The following ZFPM1 variants were observed in gnomAD, a reference collection of about 807,000 sequenced individuals.
The protein encoded by ZFPM1 is zinc finger protein, FOG family member 1.
In ZFPM1, 28 loss-of-function variants were observed where a neutral mutation model predicts 46.3. The observed-to-expected ratio is 0.60, with a 90% CI of 0.45 to 0.83. ZFPM1 has a LOEUF of 0.83. Among genes scored for constraint, ZFPM1 ranks in the 40% least tolerant of loss-of-function variants. The pLI, the probability that ZFPM1 is intolerant of heterozygous loss-of-function variation, is 0.00. For synonymous variants in ZFPM1, 957 were observed against 675.9 expected, an observed-to-expected ratio of 1.42 and a Z score of -6.45; for missense variants, 1,878 against 1,432.4, an observed-to-expected ratio of 1.31 and a Z score of -5.02.
chr16:88,492,746 C>T (rs1201843111), intron 3 of ZFPM1, among the ~76,000 whole-genome samples: 1 of 152,194 alleles, frequency 6.6e-6, no homozygotes, highest in Non-Finnish European at 1.5e-5. Context: ...ACCATGGGTC[C>T]AGCCAGGCTG....
chr16:88,491,076 C>T (rs113222138), intron 3 of ZFPM1, among the ~76,000 whole-genome samples: 1 of 146,722 alleles, frequency 6.8e-6, no homozygotes, highest in South Asian at 2.1e-4. Context: ...GGTGCCTTCG[C>T]GGGTCCCAGT....
intron 1 of ZFPM1, among the ~76,000 whole-genome samples, chr16:88,472,200 G>C (rs534053488): frequency 2.0e-5 from 3 of 151,820 alleles, no homozygotes; most frequent in South Asian, 2.1e-4. Flanking sequence ...GAGGCACGGT[G>C]GTGGGCAGGG....
intron 1 of ZFPM1, among the ~76,000 whole-genome samples, chr16:88,472,241 G>A (rs967173263): frequency 6.6e-6 from 1 of 152,226 alleles, no homozygotes; most frequent in African/African-American, 2.4e-5. Flanking sequence ...CACACAGGCA[G>A]GGATGTGCCA....
intron 1 of ZFPM1, among the ~76,000 whole-genome samples, chr16:88,485,684 C>T (rs1279757656): frequency 6.6e-6 from 1 of 152,154 alleles, no homozygotes; most frequent in Non-Finnish European, 1.5e-5. Context: ...AAGCAATCCT[C>T]CCACCTCAGC....
intron 1 of ZFPM1, among the ~76,000 whole-genome samples, chr16:88,482,956 C>G (rs1909021751): frequency 6.6e-6 from 1 of 152,216 alleles, no homozygotes; most frequent in Non-Finnish European, 1.5e-5. Flanking sequence ...TCGGTGGCTG[C>G]TTTTCTGCCC....
At chr16:88,477,060 C>T (rs543078763) in intron 1 of ZFPM1, among the ~76,000 whole-genome samples, 87 of 136,524 alleles carry the variant, frequency 6.4e-4, no homozygotes, top group African/African-American at 7.7e-4. Context: ...AGACCTTCCC[C>T]GCAGCCCTGA....
intron 1 of ZFPM1, among the ~76,000 whole-genome samples, chr16:88,483,739 CG>C (rs2142369573): frequency 6.6e-6 from 1 of 152,298 alleles, no homozygotes; most frequent in East Asian, 1.9e-4. Context: ...ACCTAGCCCT[CG>C]GGTGTCAGCA....
rs11859865 is a variant in ZFPM1 at position 88,472,457 on chromosome 16, T to G, written c.41-13482T>G. ...CAACATCTGCCTCCCGGATTCAAGA[T>G]ATTCTCCTGCCTCAGCCTCCTGAGT... On this transcript the variant is annotated intron_variant, in intron 1 of 9. Transcript: ENST00000319555. 5.0e-3 allele frequency among the ~76,000 whole-genome samples: 756 copies of G among 150,920 alleles called. 6 individuals are homozygous for G. Among genetic ancestry groups the G allele is most frequent in the African/African-American group, 0.017 (709 of 41,028 alleles).
intron 1 of ZFPM1, among the ~76,000 whole-genome samples, chr16:88,478,636 A>G (rs1908790926): frequency 6.6e-6 from 1 of 152,180 alleles, no homozygotes; most frequent in Non-Finnish European, 1.5e-5. Context: ...CAAATAAACG[A>G]GGCTCCGGCA....
intron 3 of ZFPM1, among the ~76,000 whole-genome samples, chr16:88,505,825 C>T (rs1567543354): frequency 6.6e-6 from 1 of 152,126 alleles, no homozygotes; most frequent in African/African-American, 2.4e-5. Flanking sequence ...GGCACGAGGC[C>T]CACCTCTAGC....
At chr16:88,532,517 G>C in intron 7 of ZFPM1, 97 bp from the exon 8 acceptor site, 1 of 1,298,982 alleles carries the variant, frequency 7.7e-7, no homozygotes, top group South Asian at 1.4e-5. Flanking sequence ...GGGTCCCCCG[G>C]CACAGATCAC....
At chr16:88,479,466 G>A (rs1018000514) in intron 1 of ZFPM1, among the ~76,000 whole-genome samples, 13 of 152,008 alleles carry the variant, frequency 8.6e-5, no homozygotes, top group African/African-American at 3.1e-4. Context: ...GCTCACCACG[G>A]CCCCCAGACC....
chr16:88,498,307 C>G (rs1362469313), intron 3 of ZFPM1, among the ~76,000 whole-genome samples: 1 of 152,200 alleles, frequency 6.6e-6, no homozygotes, highest in Non-Finnish European at 1.5e-5. Flanking sequence ...ACGCCCCTTC[C>G]CCGGAGGTTT....
intron 6 of ZFPM1, chr16:88,530,469 C>G (rs1056912869): frequency 6.6e-6 from 1 of 152,260 alleles, no homozygotes; most frequent in Non-Finnish European, 1.5e-5. Context: ...ACTTCTGCGG[C>G]TGCCAGGGCA....
chr16:88,483,173 C>T (rs1183132821), intron 1 of ZFPM1, among the ~76,000 whole-genome samples: 1 of 152,086 alleles, frequency 6.6e-6, no homozygotes, highest in Non-Finnish European at 1.5e-5. Context: ...TCTGAGGAGG[C>T]CGGGACTCAT....
intron 1 of ZFPM1, among the ~76,000 whole-genome samples, chr16:88,463,316 C>T (rs1363790907): frequency 2.0e-5 from 3 of 152,240 alleles, no homozygotes; most frequent in African/African-American, 7.2e-5. Context: ...GCTGCCCCCT[C>T]AGCCTCTCTT....
intron 1 of ZFPM1, among the ~76,000 whole-genome samples, chr16:88,454,106 A>C (rs1907425242): frequency 6.6e-6 from 1 of 152,194 alleles, no homozygotes; most frequent in Admixed American, 6.5e-5. Flanking sequence ...TTGTGATCTT[A>C]TCTCGCGCGG....
At chr16:88,456,407 AT>A (rs763260514) in intron 1 of ZFPM1, among the ~76,000 whole-genome samples, 98 of 152,104 alleles carry the variant, frequency 6.4e-4, no homozygotes, top group South Asian at 1.0e-3. Context: ...AAAAAAAAAA[AT>A]CAAGGTGGTT....
At position 88,528,251 on chromosome 16, in the gene ZFPM1, C is replaced by G. The variant is rs552422169; in HGVS notation, c.712+13C>G. 1 of 1,584,380 alleles carries G rather than the reference C, an allele frequency of 6.3e-7. No individual in the cohort carries two copies. The highest frequency in any genetic ancestry group is 1.7e-5 in the Admixed American group (1 of 58,534). ...GCAGTGATCAACAGTAAGTGCTGGG[C>G]TCTCCGCACCCAGGGCGGCTGCTCC... On this transcript the variant is annotated intron_variant, in intron 6 of 9. Transcript: ENST00000319555.
Sources: allele counts gnomAD v4.1 joint callset (sites outside exome capture counted in the v4.1 genomes callset), GRCh38; gene constraint gnomAD v4.1.1; transcripts MANE v1.5; gene names NCBI Gene and HGNC (gene_info 2026-07-23, HGNC 2026-07-21).